EML5: variants seen among roughly 807,000 people sequenced by gnomAD.
EML5 encodes EMAP like 5.
Under a neutral mutation model 250.0 loss-of-function variants are expected in EML5, and 120 were observed. The ratio of observed to expected loss-of-function variants is 0.48; its 90% CI spans 0.41 to 0.56. The LOEUF (loss-of-function observed/expected upper bound fraction) is 0.56, where lower values mean the gene tolerates loss of function less well. Ranked by LOEUF, EML5 falls within the 20% of genes least tolerant of loss-of-function variation. The pLI is 0.00. For synonymous variants in EML5, 771 were observed against 806.5 expected (o/e 0.96, Z 0.75); for missense variants, 2,006 against 2,437.6 (o/e 0.82, Z 3.73).
In EML5 at chr14:88,622,681, C is replaced by T; in HGVS notation, c.4936G>A (p.Glu1646Lys). 6.2e-7 allele frequency: 1 copy of T among 1,610,190 alleles called. No individual in the cohort carries two copies. Among genetic ancestry groups the T allele is most frequent in the Non-Finnish European group, 8.5e-7 (1 of 1,178,078 alleles). ...CTGAAGGCACGGCACCGCCTCAGTT[C>T]CTGATCCCACAGTTTAACCGCTCCT... ...EGGAVKLWDQ[E>K]LRRCRAFRLE... Residue 1646 changes from glutamate (E) to lysine (K), a missense_variant, in exon 37 of 44, where the codon GAA becomes AAA. Physicochemically the swap from Glu to Lys is moderately conservative, Grantham distance 56. This residue lies in a region of EML5 where 405 missense variants were observed against 523.3 expected (regional missense o/e 0.77). Transcript: ENST00000554922.
At chr14:88,629,322 T>C (rs1330844719) in intron 33 of EML5, among the ~76,000 whole-genome samples, 1 of 152,130 alleles carries the variant, frequency 6.6e-6, no homozygotes, top group East Asian at 1.9e-4. Flanking sequence ...AATCTTAAAT[T>C]CAATGACTGA....
chr14:88,704,978 C>T lies in EML5; in HGVS notation c.1933G>A (p.Val645Ile). The T allele has an allele frequency of 6.3e-7, 1 of 1,596,652 alleles. No homozygotes were observed. The highest frequency in any genetic ancestry group is 8.6e-7 in the Non-Finnish European group (1 of 1,167,470). ...AGCTGAGGTAGATCTTCTTTGTAAA[C>T]CTTTAAAAATGTATACAAGTAGAAA... ...QETQLTYRRQ[V>I]YKEDLPQLKE... Residue 645 changes from valine (V) to isoleucine (I), a missense_variant and splice_region_variant, in exon 13 of 44, where the codon GTT becomes ATT. Coordinates refer to ENST00000554922, the MANE Select transcript of EML5 (RefSeq NM_183387.3).
At position 88,615,806 on chromosome 14, in the gene EML5, T is replaced by C. The variant is rs2140218240; in HGVS notation, c.*12A>G. On this transcript the variant is annotated 3_prime_UTR_variant, in exon 44 of 44. Transcript: ENST00000554922. Reference sequence around the variant, plus strand: ...GTCTCAAAGTTAATTTCTGTAGTCATCTCAGCATCTCTCAGTGAGGTGTAT... The same window carrying C: ...GTCTCAAAGTTAATTTCTGTAGTCACCTCAGCATCTCTCAGTGAGGTGTAT... 1.9e-6 allele frequency: 3 copies of C among 1,609,920 alleles called. No homozygotes were observed. The highest frequency in any genetic ancestry group is 8.5e-7 in the Non-Finnish European group (1 of 1,178,192).
chr14:88,778,639 C>T (rs1007131101), intron 1 of EML5, among the ~76,000 whole-genome samples: 1 of 152,150 alleles, frequency 6.6e-6, no homozygotes, highest in Admixed American at 6.5e-5. Flanking sequence ...ATTAGCTGGG[C>T]AATGTGGCGC....
At chr14:88,767,224 T>G (rs978937460) in intron 1 of EML5, among the ~76,000 whole-genome samples, 2 of 152,198 alleles carry the variant, frequency 1.3e-5, no homozygotes, top group Non-Finnish European at 2.9e-5. Context: ...AGTTTTAAAG[T>G]CTTTGCAGTG....
At chr14:88,733,598 C>T (rs1334322013) in intron 7 of EML5, among the ~76,000 whole-genome samples, 3 of 152,148 alleles carry the variant, frequency 2.0e-5, no homozygotes, top group Non-Finnish European at 4.4e-5. Context: ...ATGAATAGCT[C>T]CTAGCAGAGC....
intron 6 of EML5, among the ~76,000 whole-genome samples, chr14:88,737,837 T>C (rs1196119495): frequency 1.3e-5 from 2 of 152,352 alleles, no homozygotes; most frequent in Non-Finnish European, 2.9e-5. Flanking sequence ...TCAGTCTGCA[T>C]TGTTCAATAA....
chr14:88,693,911 C>G (rs769261943), intron 17 of EML5, among the ~76,000 whole-genome samples: 5 of 150,244 alleles, frequency 3.3e-5, no homozygotes, highest in Non-Finnish European at 7.4e-5. Context: ...GCTGGGACCA[C>G]AGGTACACAC....
rs191329006 is a variant in EML5 at position 88,637,786 on chromosome 14, G to A, written c.4336+1023C>T. Among the ~76,000 whole-genome samples, 3 of 152,224 alleles carry A rather than the reference G, an allele frequency of 2.0e-5. No individual in the cohort carries two copies. In the East Asian group the frequency reaches 5.8e-4, roughly 29 times the overall value. ...ATGGGCCTTGTTCCTTGTGCACAGTGAAAATAAGACTTCACTTTCCAAAAT... is the reference window on the plus strand; with the variant it reads ...ATGGGCCTTGTTCCTTGTGCACAGTAAAAATAAGACTTCACTTTCCAAAAT... On this transcript the variant is annotated intron_variant, in intron 32 of 43. Transcript: ENST00000554922.
chr14:88,681,822 T>C, intron 21 of EML5, 68 bp downstream of exon 21: 18 of 1,471,894 alleles, frequency 1.2e-5, no homozygotes, highest in Non-Finnish European at 1.6e-5. Flanking sequence ...TAGTTTTGCT[T>C]TCTTATATTT....
At chr14:88,737,047 C>G (rs556232683) in intron 6 of EML5, among the ~76,000 whole-genome samples, 1 of 152,180 alleles carries the variant, frequency 6.6e-6, no homozygotes, top group East Asian at 1.9e-4. Flanking sequence ...TGTTTTGTCA[C>G]TCAGTAAAAC....
chr14:88,728,608 T>A (rs772831734), intron 7 of EML5, among the ~76,000 whole-genome samples: 104 of 152,246 alleles, frequency 6.8e-4, no homozygotes, highest in African/African-American at 2.5e-3. Context: ...CATCTTCACA[T>A]TGTGTAGGCT....
intron 33 of EML5, among the ~76,000 whole-genome samples, chr14:88,630,852 C>T (rs1212465477): frequency 2.6e-5 from 4 of 152,196 alleles, no homozygotes; most frequent in African/African-American, 4.8e-5. Context: ...CCAGCCTTAT[C>T]GGTGAAGCCA....
At chr14:88,660,969 T>TA (rs1175099095) in intron 25 of EML5, among the ~76,000 whole-genome samples, 9 of 152,276 alleles carry the variant, frequency 5.9e-5, no homozygotes, top group Non-Finnish European at 1.2e-4. Flanking sequence ...ATTTTCTATT[T>TA]AATTGGTTAA....
intron 10 of EML5, among the ~76,000 whole-genome samples, chr14:88,708,780 T>C (rs1379706621): frequency 6.6e-6 from 1 of 152,128 alleles, no homozygotes; most frequent in Non-Finnish European, 1.5e-5. Flanking sequence ...AAATGTAAAT[T>C]GGATTATATG....
At chr14:88,747,107 TAAAC>T (rs1392264071) in intron 2 of EML5, among the ~76,000 whole-genome samples, 7 of 150,970 alleles carry the variant, frequency 4.6e-5, no homozygotes, top group African/African-American at 1.5e-4. Context: ...CAAAATAAGC[TAAAC>T]AAACAAACAA....
In EML5 at chr14:88,727,401, AT is replaced by A. The variant is rs3055841; in HGVS notation, c.1050-724del. The stretch of plus-strand genomic sequence containing the variant: ...CTGCATCTGTAGTGTGATACACTGC[AT>A]TTTTTTTTTTTTTTTTGAGACGGAG... On this transcript the variant is annotated intron_variant, in intron 7 of 43. Coordinates refer to ENST00000554922, the MANE Select transcript of EML5 (RefSeq NM_183387.3). Among the ~76,000 whole-genome samples, 360 of 131,664 alleles carry A rather than the reference AT, an allele frequency of 2.7e-3. 3 individuals carry two copies. Among genetic ancestry groups the A allele is most frequent in the African/African-American group, 4.4e-3 (151 of 34,636 alleles). 86.4% of individuals were successfully genotyped at this position (131,664 alleles called of 152,430 possible). A position where few individuals can be genotyped will look rare whatever the true frequency, so the allele number is the denominator to read the frequency against.
intron 27 of EML5, among the ~76,000 whole-genome samples, chr14:88,654,431 C>T (rs1305573171): frequency 1.3e-5 from 2 of 152,170 alleles, no homozygotes; most frequent in African/African-American, 4.8e-5. Context: ...TATACATTTC[C>T]CTCTAAAGAC....
rs200820604 is a variant in EML5, at chr14:88,662,559, T to TAA, written c.3498+471_3498+472insTT. ...ATTTATTCCTTTTTTTTTTTTTTTT[T>TAA]TAATACAGGGTCTCACTTTGTCACC... is the stretch of plus-strand genomic sequence containing the variant. On this transcript the variant is annotated intron_variant, in intron 24 of 43. Coordinates refer to ENST00000554922, the MANE Select transcript of EML5 (RefSeq NM_183387.3). Among the ~76,000 whole-genome samples the TAA allele has an allele frequency of 4.6e-5, 6 of 129,636 alleles. No individual in the cohort carries two copies. In the South Asian group the frequency reaches 1.6e-3, roughly 35 times the overall value. 85.0% of individuals were successfully genotyped at this position (129,636 alleles called of 152,430 possible). A position where few individuals can be genotyped will look rare whatever the true frequency, so the allele number is the denominator to read the frequency against.
Sources: gnomAD v4.1 joint callset for allele counts (sites outside exome capture counted in the v4.1 genomes callset) on GRCh38, gnomAD v4.1.1 for gene constraint, gnomAD v4.1.1 regional missense constraint, MANE v1.5 for transcripts, NCBI Gene and HGNC (gene_info 2026-07-23, HGNC 2026-07-21) for gene names.